The following SAMD12 variants were observed in gnomAD, a reference collection of about 807,000 sequenced individuals.
SAMD12 encodes the protein sterile alpha motif domain containing 12.
SAMD12 carries 9 observed loss-of-function variants against 15.0 expected under a neutral mutation model. The ratio of observed to expected loss-of-function variants is 0.60; its 90% confidence interval spans 0.36 to 1.05. The LOEUF is 1.05. SAMD12 is among the 50% of genes least tolerant of loss of function. The pLI is 0.01. For synonymous variants in SAMD12, 86 were observed against 90.1 expected (o/e 0.96, Z 0.25); for missense variants, 230 against 234.2 (o/e 0.98, Z 0.12).
At chr8:118,603,051 G>T (rs1307393498) in intron 1 of SAMD12, among the ~76,000 whole-genome samples, 1 of 151,820 alleles carries the variant, frequency 6.6e-6, no homozygotes, top group Non-Finnish European at 1.5e-5. Flanking sequence ...CATAGAAATT[G>T]TAAATGCCAG....
intron 2 of SAMD12, among the ~76,000 whole-genome samples, chr8:118,493,859 C>T (rs141121145): frequency 1.1e-3 from 161 of 152,242 alleles, no homozygotes; most frequent in Non-Finnish European, 1.6e-3. Context: ...CTGGCATCAC[C>T]CGATGGCAGG....
chr8:118,587,098 G>T (rs1827469802), intron 1 of SAMD12, among the ~76,000 whole-genome samples: 1 of 152,214 alleles, frequency 6.6e-6, no homozygotes, highest in Middle Eastern at 3.4e-3. Flanking sequence ...AATAAATGTT[G>T]CTAAATGAAT....
intron 4 of SAMD12, among the ~76,000 whole-genome samples, chr8:118,345,063 C>T (rs914439850): frequency 7.9e-5 from 12 of 152,208 alleles, no homozygotes; most frequent in African/African-American, 2.7e-4. Context: ...GAGCAACCTC[C>T]AGTCTTGCAG....
chr8:118,254,108 T>A (rs1325241556), intron 4 of SAMD12, among the ~76,000 whole-genome samples: 4 of 152,094 alleles, frequency 2.6e-5, no homozygotes, highest in Admixed American at 2.0e-4. Context: ...TTCATCCGTG[T>A]GAAAATTGGC....
chr8:118,589,096 C>T (rs191583720), intron 1 of SAMD12, among the ~76,000 whole-genome samples: 13 of 152,272 alleles, frequency 8.5e-5, no homozygotes, highest in African/African-American at 2.9e-4. Context: ...GATGGCTCCC[C>T]TATTCCATGC....
At chr8:118,213,392 G>A (rs1420197041) in intron 4 of SAMD12, among the ~76,000 whole-genome samples, 2 of 152,206 alleles carry the variant, frequency 1.3e-5, no homozygotes, top group African/African-American at 4.8e-5. Context: ...GACGCAACAT[G>A]GACAGGCCCA....
intron 2 of SAMD12, among the ~76,000 whole-genome samples, chr8:118,563,837 T>C (rs16891205): frequency 0.017 from 2,651 of 152,318 alleles, 79 homozygotes; most frequent in African/African-American, 0.06. Flanking sequence ...CTGTGAGTTT[T>C]GACCAATGCA....
the SAMD12 span, among the ~76,000 whole-genome samples, chr8:118,135,678 G>A: frequency 6.6e-6 from 1 of 152,296 alleles, no homozygotes; most frequent in South Asian, 2.1e-4. Flanking sequence ...AAGTAGCTGG[G>A]ACCATAGGCA....
At chr8:118,435,169 A>G (rs1822544549) in intron 3 of SAMD12, among the ~76,000 whole-genome samples, 1 of 152,064 alleles carries the variant, frequency 6.6e-6, no homozygotes, top group Non-Finnish European at 1.5e-5. Context: ...CAGCCCCCTT[A>G]GCTACGGTTT....
At chr8:118,363,627 A>T (rs1036151054) in intron 4 of SAMD12, among the ~76,000 whole-genome samples, 1 of 152,172 alleles carries the variant, frequency 6.6e-6, no homozygotes, top group Non-Finnish European at 1.5e-5. Context: ...ATTAGCTTTC[A>T]TTGGTCTCCA....
intron 2 of SAMD12, among the ~76,000 whole-genome samples, chr8:118,513,375 A>G (rs1825140208): frequency 6.6e-6 from 1 of 152,248 alleles, no homozygotes; most frequent in Non-Finnish European, 1.5e-5. Context: ...GGATGCAGGA[A>G]AAGCTGTGGG....
At chr8:118,273,343 C>T (rs754776425) in intron 4 of SAMD12, among the ~76,000 whole-genome samples, 1 of 152,154 alleles carries the variant, frequency 6.6e-6, no homozygotes, top group Non-Finnish European at 1.5e-5. Context: ...TACCTCCCAC[C>T]ACATCCTTTC....
At chr8:118,554,760 G>A (rs1016548109) in intron 2 of SAMD12, among the ~76,000 whole-genome samples, 5 of 151,636 alleles carry the variant, frequency 3.3e-5, no homozygotes, top group Admixed American at 6.6e-5. Flanking sequence ...GGTGGGTCTC[G>A]CCCAATCAGT....
chr8:118,249,050 A>G (rs1034414466), intron 4 of SAMD12, among the ~76,000 whole-genome samples: 2 of 152,186 alleles, frequency 1.3e-5, no homozygotes, highest in African/African-American at 4.8e-5. Flanking sequence ...CAGTATTTGC[A>G]TATAACCTAC....
chr8:118,526,729 C>T (rs1434393202), intron 2 of SAMD12, among the ~76,000 whole-genome samples: 1 of 152,078 alleles, frequency 6.6e-6, no homozygotes, highest in East Asian at 1.9e-4. Context: ...GACAGTCTGG[C>T]AGGGGCTTAA....
chr8:118,478,887 G>T (rs1824042422), intron 2 of SAMD12, among the ~76,000 whole-genome samples: 2 of 152,126 alleles, frequency 1.3e-5, no homozygotes, highest in South Asian at 4.1e-4. Flanking sequence ...AGCTACCCAA[G>T]CAATGAAAAT....
chr8:118,164,210 T>C, the SAMD12 span, among the ~76,000 whole-genome samples: 1 of 152,192 alleles, frequency 6.6e-6, no homozygotes, highest in Non-Finnish European at 1.5e-5. Context: ...TTTACCCCCT[T>C]GGCTTCCACA....
chr8:118,427,105 ATTCT>A (rs1014961123), intron 3 of SAMD12, among the ~76,000 whole-genome samples: 10 of 152,226 alleles, frequency 6.6e-5, no homozygotes, highest in Admixed American at 6.5e-5. Flanking sequence ...TCTTCAGATT[ATTCT>A]TTCAGTGAAA....
the SAMD12 span, among the ~76,000 whole-genome samples, chr8:118,155,080 T>C: frequency 6.6e-6 from 1 of 152,212 alleles, no homozygotes; most frequent in African/African-American, 2.4e-5. Context: ...GGCTTCATTA[T>C]TAAACTTTAA....
Sources: allele counts gnomAD v4.1 joint callset (sites outside exome capture counted in the v4.1 genomes callset), GRCh38; gene constraint gnomAD v4.1.1; transcripts MANE v1.5; gene names NCBI Gene and HGNC (gene_info 2026-07-23, HGNC 2026-07-21).